The following LRRC38 variants were observed in gnomAD, a reference collection of about 807,000 sequenced individuals.
LRRC38 encodes the protein leucine rich repeat containing 38, also known as leucine-rich repeat-containing protein 38.
In LRRC38, 5 loss-of-function variants were observed where a neutral mutation model predicts 16.4. That is an observed-to-expected ratio of 0.31 (90% CI 0.16 to 0.64). The LOEUF (loss-of-function observed/expected upper bound fraction) is 0.64. Among genes scored for constraint, LRRC38 ranks in the 30% least tolerant of loss-of-function variants. LRRC38 has a pLI of 0.80. For missense variants in LRRC38, 341 were observed against 401.8 expected, an observed-to-expected ratio of 0.85 and a Z score of 1.29; for synonymous variants, 191 against 190.2, an observed-to-expected ratio of 1.00 and a Z score of -0.04.
chr1:13,485,261 G>A (rs112352502), intron 1 of LRRC38, among the ~76,000 whole-genome samples: 21 of 114,396 alleles, frequency 1.8e-4, no homozygotes, highest in African/African-American at 5.7e-4. Context: ...TAGGCAACAA[G>A]AGCAAAACCC....
intron 1 of LRRC38, among the ~76,000 whole-genome samples, chr1:13,481,762 C>CTTTCT (rs1557431814): frequency 2.0e-5 from 1 of 50,810 alleles, no homozygotes; most frequent in African/African-American, 2.9e-4. Flanking sequence ...ACTTTCTTTC[C>CTTTCT]CTCTCTCTCC....
chr1:13,513,251 T>C lies in LRRC38; in HGVS notation c.343A>G (p.Asn115Asp). 1.9e-6 allele frequency: 3 copies of C among 1,550,270 alleles called. No individual in the cohort carries two copies. Among genetic ancestry groups the C allele is most frequent in the Non-Finnish European group, 2.6e-6 (3 of 1,146,874 alleles). Reference protein sequence around the residue: ...KLVFLDLSYNNLTQLGAGAFR... With the variant: ...KLVFLDLSYNDLTQLGAGAFR... ...GCGCCGGCGCCCAGCTGGGTCAAGT[T>C]GTTGTAGCTGAGGTCGAGGAACACG... Residue 115 changes from asparagine to aspartate, a missense_variant, in exon 1 of 2, where the codon AAC (asparagine) becomes GAC (aspartate). Transcript: ENST00000376085.
At position 13,498,115 on chromosome 1, in the gene LRRC38, C is replaced by T. The variant is rs558214472; in HGVS notation, c.631+14848G>A. On this transcript the variant is annotated intron_variant, in intron 1 of 1. Transcript: ENST00000376085. The stretch of plus-strand genomic sequence containing the variant: ...AGCTTGCATTCTATTTCTATCAGGA[C>T]GCGCAGCCCAAGCGTTTTCAGCTCA... Among the ~76,000 whole-genome samples, 6 of 152,080 alleles carry T rather than the reference C, an allele frequency of 3.9e-5. No homozygotes were observed. The East Asian group carries it at 5.8e-4, about 15-fold the overall frequency.
chr1:13,490,130 C>A (rs148444102), intron 1 of LRRC38, among the ~76,000 whole-genome samples: 2 of 152,180 alleles, frequency 1.3e-5, no homozygotes, highest in East Asian at 3.9e-4. Flanking sequence ...AAGAAAGGAG[C>A]AGAGAATGAT....
rs753952128 is a variant in LRRC38 at position 13,475,928 on chromosome 1, A to G, written c.803T>C (p.Phe268Ser). 8.4e-6 allele frequency: 13 copies of G among 1,550,578 alleles called. No individual in the cohort carries two copies. Among genetic ancestry groups the G allele is most frequent in the Non-Finnish European group, 9.6e-6 (11 of 1,146,988 alleles). ...GAGGCACTGCACCACAGTGGCCAGG[A>G]AGAAGCTGGAGATGATGGCCGCAAT... ...VSIAAIISSF[F>S]LATVVQCLQR... Residue 268 changes from phenylalanine to serine, a missense_variant, in exon 2 of 2, where the codon TTC becomes TCC. Phe to Ser is a radical substitution (Grantham distance 155). Transcript: ENST00000376085. The surrounding 1 kb of genome is among the most constrained non-coding windows in gnomAD (Gnocchi z 4.3).
At chr1:13,503,393 C>T (rs1389563040) in intron 1 of LRRC38, among the ~76,000 whole-genome samples, 8 of 152,134 alleles carry the variant, frequency 5.3e-5, no homozygotes, top group African/African-American at 1.4e-4. Flanking sequence ...CTCAGCCTCC[C>T]GAGTAGCTGG....
At chr1:13,510,712 C>T (rs1417525719) in intron 1 of LRRC38, among the ~76,000 whole-genome samples, 7 of 152,066 alleles carry the variant, frequency 4.6e-5, no homozygotes, top group Non-Finnish European at 8.8e-5. Context: ...CCAAGCAAGA[C>T]GGTGTTCTTT....
chr1:13,477,109 A>T (rs1254272112), intron 1 of LRRC38, among the ~76,000 whole-genome samples: 3 of 152,116 alleles, frequency 2.0e-5, no homozygotes, highest in African/African-American at 7.2e-5. Context: ...CATCTCAAAA[A>T]AAAAGAATGT....
At chr1:13,480,718 C>G (rs148782858) in intron 1 of LRRC38, among the ~76,000 whole-genome samples, 1 of 151,970 alleles carries the variant, frequency 6.6e-6, no homozygotes, top group Non-Finnish European at 1.5e-5. Flanking sequence ...CCGTGTAAGA[C>G]GTGAGTTTGC....
In LRRC38 at chr1:13,487,438, T is replaced by C. The variant is rs1638948802; in HGVS notation, c.632-11339A>G. On this transcript the variant is annotated intron_variant, in intron 1 of 1. Transcript: ENST00000376085. The surrounding 1 kb of genome is among the most constrained non-coding windows in gnomAD (Gnocchi z 4.4). ...CTGGTGGGAAGTCAACTTCCCACCTTTCGTCTTGCGATGGGTCTACCTCCA... is the reference window on the plus strand; with the variant it reads ...CTGGTGGGAAGTCAACTTCCCACCTCTCGTCTTGCGATGGGTCTACCTCCA... Among the ~76,000 whole-genome samples, 1 of 152,196 alleles carries C rather than the reference T, an allele frequency of 6.6e-6. No individual in the cohort carries two copies. Among genetic ancestry groups the C allele is most frequent in the South Asian group, 2.1e-4 (1 of 4,830 alleles).
intron 1 of LRRC38, among the ~76,000 whole-genome samples, chr1:13,504,178 T>C (rs354578): frequency 2.5e-4 from 38 of 152,340 alleles, no homozygotes; most frequent in African/African-American, 8.7e-4. Flanking sequence ...GCTCAAAAGC[T>C]TCTTTATATG....
chr1:13,494,602 G>T lies in LRRC38; in HGVS notation c.631+18361C>A, dbSNP rs138256109. Among the ~76,000 whole-genome samples, 669 of 152,254 alleles carry T rather than the reference G, an allele frequency of 4.4e-3. 8 individuals carry two copies. The highest frequency in any genetic ancestry group is 7.4e-3 in the Non-Finnish European group (503 of 68,010). The stretch of plus-strand genomic sequence containing the variant: ...ATAAAGGCACTGAATTTAAACCATG[G>T]TGGATCGAAATCAAAAGCCTGTGTT... On this transcript the variant is annotated intron_variant, in intron 1 of 1. Transcript: ENST00000376085.
chr1:13,504,519 G>A (rs1024984938), intron 1 of LRRC38, among the ~76,000 whole-genome samples: 2 of 151,996 alleles, frequency 1.3e-5, no homozygotes, highest in African/African-American at 2.4e-5. Context: ...CCAGGAGTTC[G>A]AGACCAGCCT....
Position 13,497,962 on chromosome 1 carries a change from CAAAAAA to C in LRRC38, c.631+14995_631+15000del, listed in dbSNP as rs370605050. On this transcript the variant is annotated intron_variant, in intron 1 of 1. Transcript: ENST00000376085. The stretch of plus-strand genomic sequence containing the variant: ...GCAACAAGAGTGAAAAACTCCATCA[CAAAAAA>C]AAAAAAAAAAAAAAGAAACGACATT... Among the ~76,000 whole-genome samples the C allele has an allele frequency of 7.2e-5, 5 of 69,000 alleles. No homozygotes were observed. The East Asian group carries it at 1.9e-3, about 26-fold the overall frequency. 45.3% of individuals were successfully genotyped at this position (69,000 alleles called of 152,430 possible).
intron 1 of LRRC38, among the ~76,000 whole-genome samples, chr1:13,491,473 T>C (rs987063764): frequency 3.3e-5 from 5 of 152,044 alleles, no homozygotes; most frequent in Admixed American, 3.3e-4. Flanking sequence ...ATGACAGTCA[T>C]GTGTGACCCC....
chr1:13,477,392 T>C (rs1476841535), intron 1 of LRRC38, among the ~76,000 whole-genome samples: 1 of 152,194 alleles, frequency 6.6e-6, no homozygotes, highest in Non-Finnish European at 1.5e-5. Context: ...ACATGTAAAA[T>C]GTTTAGGATG....
intron 1 of LRRC38, among the ~76,000 whole-genome samples, chr1:13,491,223 C>A (rs954289682): frequency 6.6e-6 from 1 of 152,204 alleles, no homozygotes; most frequent in Admixed American, 6.5e-5. Flanking sequence ...CCACACTGCA[C>A]AAGACAGCAC....
intron 1 of LRRC38, among the ~76,000 whole-genome samples, chr1:13,508,314 T>A (rs2924861): frequency 0.42 from 63,208 of 152,056 alleles, 15,342 homozygotes; most frequent in Middle Eastern, 0.65. Flanking sequence ...CCACAGACTT[T>A]CCATGTGTAA....
rs574109264 is a variant in LRRC38, at chr1:13,496,750, C to G, written c.631+16213G>C. Among the ~76,000 whole-genome samples the G allele has an allele frequency of 2.2e-4, 34 of 152,222 alleles. No individual in the cohort carries two copies. The South Asian group carries it at 7.0e-3, about 32-fold the overall frequency. On this transcript the variant is annotated intron_variant, in intron 1 of 1. Coordinates refer to ENST00000376085, the MANE Select transcript of LRRC38 (RefSeq NM_001010847.2). ...CGAGGCCCTGCTCTTGTGGCTACAACTGAGTGAAACAGACAATGAGTAAAT... is the reference window on the plus strand; with the variant it reads ...CGAGGCCCTGCTCTTGTGGCTACAAGTGAGTGAAACAGACAATGAGTAAAT...
Sources: gnomAD v4.1 joint callset for allele counts (sites outside exome capture counted in the v4.1 genomes callset) on GRCh38, gnomAD v4.1.1 for gene constraint, Gnocchi (gnomAD v3.1) non-coding constraint, MANE v1.5 for transcripts, NCBI Gene and HGNC (gene_info 2026-07-23, HGNC 2026-07-21) for gene names.